VCPIP1: variants seen among roughly 807,000 people sequenced by gnomAD.
VCPIP1 encodes valosin containing protein interacting protein 1.
A neutral mutation model predicts 85.0 loss-of-function variants in VCPIP1; 8 were observed. The observed-to-expected ratio is 0.09, with a 90% CI of 0.06 to 0.17. The LOEUF is 0.17. VCPIP1 is among the 10% of genes least tolerant of loss of function. The pLI is 1.00. For synonymous variants in VCPIP1, 543 were observed against 544.5 expected (o/e 1.00, Z 0.04); for missense variants, 1,070 against 1,486.3 (o/e 0.72, Z 4.61).
intron 2 of VCPIP1, among the ~76,000 whole-genome samples, chr8:66,646,027 C>T (rs563274697): frequency 2.8e-4 from 43 of 151,804 alleles, no homozygotes; most frequent in African/African-American, 1.0e-3. Context: ...AGATGCTCCT[C>T]AACTTACAAC....
intron 2 of VCPIP1, among the ~76,000 whole-genome samples, chr8:66,636,236 C>CA (rs1180259925): frequency 0.08 from 2,957 of 37,134 alleles, 38 homozygotes; most frequent in Non-Finnish European, 0.12. Flanking sequence ...GACTCCATCT[C>CA]AAAAAAAAAA....
In VCPIP1 at chr8:66,635,084, C is replaced by G; in HGVS notation, c.3086G>C (p.Gly1029Ala). The G allele has an allele frequency of 1.2e-6, 2 of 1,614,130 alleles. No homozygotes were observed. The highest frequency in any genetic ancestry group is 1.7e-6 in the Non-Finnish European group (2 of 1,180,030). The change falls in exon 3 of 3, where the codon GGG (glycine) becomes GCG (alanine). Residue 1029 changes from glycine to alanine, a missense_variant. Around this residue, in one of 8 missense-constraint regions of VCPIP1, gnomAD observed 255 missense variants for 289.5 expected, o/e 0.88. Coordinates refer to ENST00000310421, the MANE Select transcript of VCPIP1 (RefSeq NM_025054.5). ...ACCAGATGCAGTTCCTAAAGAATGC[C>G]CTTTTCCCTGAAAGGCAGTTACGTT... is the stretch of plus-strand genomic sequence containing the variant. ...LHNVTAFQGK[G>A]HSLGTASGNP...
chr8:66,656,834 T>G (rs1390509084), intron 1 of VCPIP1, among the ~76,000 whole-genome samples: 1 of 151,380 alleles, frequency 6.6e-6, no homozygotes, highest in Non-Finnish European at 1.5e-5. Flanking sequence ...GGTCTTGAAC[T>G]CCTGACCTCA....
intron 2 of VCPIP1, among the ~76,000 whole-genome samples, chr8:66,636,616 G>A (rs1414679045): frequency 1.3e-5 from 2 of 151,862 alleles, no homozygotes; most frequent in Non-Finnish European, 2.9e-5. Flanking sequence ...GGTGGTGCGC[G>A]CCTGTAGTCC....
At position 66,665,293 on chromosome 8, in the gene VCPIP1, C is replaced by A; in HGVS notation, c.1666G>T (p.Val556Leu). 1 of 1,614,170 alleles carries A rather than the reference C, an allele frequency of 6.2e-7. No individual in the cohort carries two copies. Among genetic ancestry groups the A allele is most frequent in the East Asian group, 2.2e-5 (1 of 44,888 alleles). The change falls in exon 1 of 3, where the codon GTG becomes TTG. Residue 556 changes from valine (V) to leucine (L), a missense_variant. Physicochemically the swap from Val to Leu is conservative, Grantham distance 32. Coordinates refer to ENST00000310421, the MANE Select transcript of VCPIP1 (RefSeq NM_025054.5). The surrounding 1 kb of genome is among the most constrained non-coding windows in gnomAD (Gnocchi z 4.3). ...VRKVRGDGSI[V>L]YLDGDRTNSR... ...TTAGTTCTGTCTCCATCCAAATACA[C>A]AATAGACCCATCTCCTCTGACCTTT...
chr8:66,640,077 C>T (rs116640649), intron 2 of VCPIP1, among the ~76,000 whole-genome samples: 4,001 of 151,830 alleles, frequency 0.026, 188 homozygotes, highest in African/African-American at 0.09. Flanking sequence ...ACTTGTACCC[C>T]GAACTTAAAA....
At chr8:66,658,940 G>C (rs1484707729) in intron 1 of VCPIP1, among the ~76,000 whole-genome samples, 1 of 152,130 alleles carries the variant, frequency 6.6e-6, no homozygotes, top group African/African-American at 2.4e-5. Flanking sequence ...CTCAACTCCT[G>C]AAAGGTTGGT....
At chr8:66,656,300 C>A (rs538462158) in intron 1 of VCPIP1, among the ~76,000 whole-genome samples, 1 of 152,064 alleles carries the variant, frequency 6.6e-6, no homozygotes, top group East Asian at 1.9e-4. Context: ...ACTCAAGCAA[C>A]CCTCTCACCT....
chr8:66,653,412 A>G (rs1399248725), intron 1 of VCPIP1: 1 of 152,182 alleles, frequency 6.6e-6, no homozygotes, highest in Non-Finnish European at 1.5e-5. Context: ...TTTATTTGGA[A>G]GACATATCAA....
At chr8:66,635,548 C>A (rs1810875988) in intron 2 of VCPIP1, among the ~76,000 whole-genome samples, 176 bp from the exon 3 acceptor site, 1 of 152,144 alleles carries the variant, frequency 6.6e-6, no homozygotes, top group Non-Finnish European at 1.5e-5. Flanking sequence ...GCCATAGACC[C>A]TAAAGTAGTT....
chr8:66,657,820 G>T (rs567651380), intron 1 of VCPIP1, among the ~76,000 whole-genome samples: 73 of 152,212 alleles, frequency 4.8e-4, no homozygotes, highest in African/African-American at 1.7e-3. Context: ...AGTTGGAACA[G>T]AATCTATTAT....
chr8:66,635,283 C>T lies in VCPIP1; in HGVS notation c.2887G>A (p.Val963Met). 2.5e-6 allele frequency: 4 copies of T among 1,614,204 alleles called. No individual in the cohort carries two copies. Among genetic ancestry groups the T allele is most frequent in the Non-Finnish European group, 3.4e-6 (4 of 1,180,040 alleles). ...ATGGGGAAATGTCCTGCAGCATCCACACACAATTCCAGTCTATCTTCAGAA... is the reference window on the plus strand; with the variant it reads ...ATGGGGAAATGTCCTGCAGCATCCATACACAATTCCAGTCTATCTTCAGAA... The part of the protein sequence containing the change: ...NASEDRLELC[V>M]DAAGHFPIGP... Residue 963 changes from valine to methionine, a missense_variant, in exon 3 of 3, where the codon GTG (valine) becomes ATG (methionine). Coordinates refer to ENST00000310421, the MANE Select transcript of VCPIP1 (RefSeq NM_025054.5).
Position 66,660,913 on chromosome 8 carries a change from C to T in VCPIP1, c.2710+3336G>A, listed in dbSNP as rs558585578. Among the ~76,000 whole-genome samples the T allele has an allele frequency of 3.9e-4, 59 of 152,114 alleles. No homozygotes were observed. The Middle Eastern group carries it at 0.01, about 26-fold the overall frequency. On this transcript the variant is annotated intron_variant, in intron 1 of 2. Transcript: ENST00000310421. ...CAAAAATTAGCTGGGTGTGGTGGCACGTGCTTGTAATCCCAGCTACTTGGG... is the reference window on the plus strand; with the variant it reads ...CAAAAATTAGCTGGGTGTGGTGGCATGTGCTTGTAATCCCAGCTACTTGGG...
At chr8:66,647,285 G>A (rs943286302) in intron 2 of VCPIP1, among the ~76,000 whole-genome samples, 3 of 151,650 alleles carry the variant, frequency 2.0e-5, no homozygotes, top group African/African-American at 7.3e-5. Flanking sequence ...AGGTTGCAGT[G>A]ACCCAAGACT....
Position 66,631,740 on chromosome 8 carries a change from A to T in VCPIP1, c.*2761T>A, listed in dbSNP as rs1231405234. ...TCTACCCTAACATTTTCCAATAAAA[A>T]TATCTGAAACAGAGTGAAGCGGGAG... On this transcript the variant is annotated 3_prime_UTR_variant, in exon 3 of 3. Transcript: ENST00000310421. 1 of 152,612 alleles carries T rather than the reference A, an allele frequency of 6.6e-6. No individual in the cohort carries two copies. The highest frequency in any genetic ancestry group is 6.5e-5 in the Admixed American group (1 of 15,280). 9.5% of individuals were successfully genotyped at this position (152,612 alleles called of 1,614,324 possible). A position where few individuals can be genotyped will look rare whatever the true frequency, so the allele number is the denominator to read the frequency against.
chr8:66,654,923 C>A (rs1322725952), intron 1 of VCPIP1, among the ~76,000 whole-genome samples: 1 of 152,226 alleles, frequency 6.6e-6, no homozygotes, highest in East Asian at 1.9e-4. Flanking sequence ...TTGGACCTTG[C>A]CTTTCCCATC....
rs1176829530 is a variant in VCPIP1, at chr8:66,630,257, G to A, written c.*4244C>T. On this transcript the variant is annotated 3_prime_UTR_variant, in exon 3 of 3. Coordinates refer to ENST00000310421, the MANE Select transcript of VCPIP1 (RefSeq NM_025054.5). ...TAATGGGCAACAGCCAGTGCCTTAA[G>A]GGTGAAATAACATCTATACTATTTT... 1.3e-5 allele frequency: 2 copies of A among 152,178 alleles called. No homozygotes were observed. Among genetic ancestry groups the A allele is most frequent in the Middle Eastern group, 3.2e-3 (1 of 316 alleles). The allele number at this position is 152,178 out of a possible 1,614,324, so 9.4% of individuals were successfully genotyped here.
At chr8:66,641,188 ACCCCTTCACAAG>A (rs951495375) in intron 2 of VCPIP1, among the ~76,000 whole-genome samples, 3 of 151,936 alleles carry the variant, frequency 2.0e-5, no homozygotes, top group African/African-American at 7.3e-5. Flanking sequence ...AAGCAAGCCA[ACCCCTTCACAAG>A]CCCCTCGGGG....
intron 2 of VCPIP1, among the ~76,000 whole-genome samples, chr8:66,649,956 T>C (rs1254757115): frequency 1.3e-5 from 2 of 152,084 alleles, no homozygotes; most frequent in East Asian, 3.9e-4. Context: ...GAAGAAAACA[T>C]TTTTTAGAAA....
Sources: allele counts gnomAD v4.1 joint callset (sites outside exome capture counted in the v4.1 genomes callset), GRCh38; gene constraint gnomAD v4.1.1; regional missense constraint gnomAD v4.1.1; non-coding constraint Gnocchi (gnomAD v3.1); transcripts MANE v1.5; gene names NCBI Gene and HGNC (gene_info 2026-07-23, HGNC 2026-07-21).